The following CFAP20DC variants were observed in gnomAD, a reference collection of about 807,000 sequenced individuals.
The protein encoded by CFAP20DC is CFAP20 domain containing.
CFAP20DC carries 84 observed loss-of-function variants against 101.7 expected under a neutral mutation model. The observed-to-expected ratio is 0.83, with a 90% confidence interval of 0.69 to 0.99. The LOEUF (loss-of-function observed/expected upper bound fraction) is 0.99. Ranked by LOEUF, CFAP20DC falls within the 50% of genes least tolerant of loss-of-function variation. The pLI, the probability that CFAP20DC is intolerant of heterozygous loss-of-function variation, is 0.00. For synonymous variants in CFAP20DC, 359 were observed against 351.2 expected (o/e 1.02, Z -0.25); for missense variants, 1,007 against 970.3 (o/e 1.04, Z -0.50).
chr3:58,850,851 T>C (rs2078165917), intron 12 of CFAP20DC, among the ~76,000 whole-genome samples: 1 of 152,024 alleles, frequency 6.6e-6, no homozygotes, highest in South Asian at 2.1e-4. Context: ...AAACAAATAT[T>C]TGGGTGACTG....
chr3:58,949,199 A>T (rs963143008), intron 4 of CFAP20DC, among the ~76,000 whole-genome samples: 2 of 151,916 alleles, frequency 1.3e-5, no homozygotes, highest in South Asian at 4.2e-4. Flanking sequence ...GTCTTGCTAG[A>T]GGTCTATCAA....
intron 4 of CFAP20DC, among the ~76,000 whole-genome samples, chr3:59,038,091 A>G (rs2094135259): frequency 6.6e-6 from 1 of 152,124 alleles, no homozygotes; most frequent in Non-Finnish European, 1.5e-5. Flanking sequence ...AAACATGGAC[A>G]CAGGGAGGGG....
intron 15 of CFAP20DC, among the ~76,000 whole-genome samples, chr3:58,754,467 T>A (rs979237904): frequency 6.6e-6 from 1 of 152,140 alleles, no homozygotes; most frequent in Non-Finnish European, 1.5e-5. Flanking sequence ...GGGGTAGAAT[T>A]CAAGCTGGTG....
rs1453963244 is a variant in CFAP20DC at position 58,845,010 on chromosome 3, GCAGTGTGT to G, written c.1971+4014_1971+4021del. ...CCAGAATCTCTGGGACGCATTCAAA[GCAGTGTGT>G]AGAGGGAAATTTATAGCACTAAATG... On this transcript the variant is annotated intron_variant, in intron 13 of 16. Transcript: ENST00000482387. 5.5e-4 allele frequency among the ~76,000 whole-genome samples: 71 copies of G among 127,988 alleles called. No homozygotes were observed. In the South Asian group the frequency reaches 7.0e-3, roughly 13 times the overall value. The allele number at this position is 127,988 out of a possible 152,430, so 84.0% of individuals were successfully genotyped here. A position where few individuals can be genotyped will look rare whatever the true frequency, so the allele number is the denominator to read the frequency against.
rs1016614452 is a variant in CFAP20DC at position 58,897,295 on chromosome 3, G to A, written c.551-12586C>T. Among the ~76,000 whole-genome samples the A allele has an allele frequency of 6.6e-6, 1 of 152,000 alleles. No individual in the cohort carries two copies. The highest frequency in any genetic ancestry group is 2.4e-5 in the African/African-American group (1 of 41,420). On this transcript the variant is annotated intron_variant, in intron 6 of 16. Coordinates refer to ENST00000482387, the MANE Select transcript of CFAP20DC (RefSeq NM_001394063.1). This position sits in a 1 kb window ranked among gnomAD's most constrained non-coding sequence, Gnocchi z 4.4. ...GTGTGTCTTTGCACATGAGATGGCA[G>A]CATACCATGAATCTTGGCTCATTAT... is the stretch of plus-strand genomic sequence containing the variant.
intron 4 of CFAP20DC, among the ~76,000 whole-genome samples, chr3:58,966,254 T>C (rs534103312): frequency 6.6e-6 from 1 of 152,136 alleles, no homozygotes; most frequent in Non-Finnish European, 1.5e-5. Flanking sequence ...GGAATGGCCC[T>C]TGTTTTCTAA....
chr3:58,754,801 G>C (rs372542526), intron 15 of CFAP20DC, among the ~76,000 whole-genome samples: 1 of 152,154 alleles, frequency 6.6e-6, no homozygotes, highest in Non-Finnish European at 1.5e-5. Context: ...CCTACAGTAA[G>C]AACTTGGCCA....
intron 5 of CFAP20DC, among the ~76,000 whole-genome samples, chr3:58,932,547 G>A (rs2086862973): frequency 6.6e-6 from 1 of 152,146 alleles, no homozygotes; most frequent in Non-Finnish European, 1.5e-5. Flanking sequence ...CCTACAAAGG[G>A]AAGCCCATCA....
chr3:58,999,427 C>T lies in CFAP20DC; in HGVS notation c.278+40130G>A, dbSNP rs567252986. ...GGCCCACTGAGTAACAGGAGACCTT[C>T]ACTGACTATCTGAATGTAACAAGAG... On this transcript the variant is annotated intron_variant, in intron 4 of 16. Transcript: ENST00000482387. 6.6e-5 allele frequency among the ~76,000 whole-genome samples: 10 copies of T among 152,286 alleles called. 1 individual carries two copies. In the South Asian group the frequency reaches 2.1e-3, roughly 32 times the overall value.
At chr3:59,005,681 A>G (rs1015140156) in intron 4 of CFAP20DC, among the ~76,000 whole-genome samples, 4 of 152,220 alleles carry the variant, frequency 2.6e-5, no homozygotes, top group Non-Finnish European at 4.4e-5. Context: ...TAACTGTTAC[A>G]TAACTATCAT....
At chr3:58,948,740 C>T (rs1359767565) in intron 4 of CFAP20DC, among the ~76,000 whole-genome samples, 1 of 152,186 alleles carries the variant, frequency 6.6e-6, no homozygotes, top group East Asian at 1.9e-4. Flanking sequence ...GGATATTGGT[C>T]TAAAATTCTC....
At chr3:58,855,683 T>C (rs2078718554) in intron 12 of CFAP20DC, among the ~76,000 whole-genome samples, 1 of 151,850 alleles carries the variant, frequency 6.6e-6, no homozygotes, top group African/African-American at 2.4e-5. Context: ...ATGTCCTTTG[T>C]AGGGACATGG....
chr3:58,833,766 C>T (rs897732263), intron 13 of CFAP20DC, among the ~76,000 whole-genome samples: 1 of 152,138 alleles, frequency 6.6e-6, no homozygotes. Context: ...AAAACTTGCA[C>T]ACAAATGTTC....
Position 58,866,703 on chromosome 3 carries a change from A to G in CFAP20DC, c.1136-15T>C. On this transcript the variant is annotated splice_polypyrimidine_tract_variant and intron_variant, in intron 10 of 16. Coordinates refer to ENST00000482387, the MANE Select transcript of CFAP20DC (RefSeq NM_001394063.1). ...TGAAGAGCTACCTTTATTGAGATAAATATTTTCCCTCTATTACTTCTTTTG... is the reference window on the plus strand; with the variant it reads ...TGAAGAGCTACCTTTATTGAGATAAGTATTTTCCCTCTATTACTTCTTTTG... 5 of 1,487,702 alleles carry G rather than the reference A, an allele frequency of 3.4e-6. No homozygotes were observed. Among genetic ancestry groups the G allele is most frequent in the Non-Finnish European group, 4.7e-6 (5 of 1,074,902 alleles). 92.2% of individuals were successfully genotyped at this position (1,487,702 alleles called of 1,614,324 possible). A position where few individuals can be genotyped will look rare whatever the true frequency, so the allele number is the denominator to read the frequency against.
chr3:58,806,301 G>A, intron 15 of CFAP20DC, 94 bp downstream of exon 15: 8 of 848,790 alleles, frequency 9.4e-6, no homozygotes, highest in South Asian at 7.5e-5. Context: ...GAAGCTAGAA[G>A]TTTTGGAAAA....
At chr3:58,731,301 A>G (rs1034098422) in intron 3 of CFAP20DC, among the ~76,000 whole-genome samples, 1 of 152,372 alleles carries the variant, frequency 6.6e-6, no homozygotes, top group East Asian at 1.9e-4. Context: ...GAATCCTACA[A>G]CACCACAATT....
chr3:58,992,731 T>C, intron 4 of CFAP20DC: 1 of 178,408 alleles, frequency 5.6e-6, no homozygotes, highest in Non-Finnish European at 1.1e-5. Flanking sequence ...GAATATGTAA[T>C]ATATAAATAA....
At chr3:58,749,753 G>A (rs1289272803) in intron 16 of CFAP20DC, among the ~76,000 whole-genome samples, 5 of 152,056 alleles carry the variant, frequency 3.3e-5, no homozygotes, top group African/African-American at 1.2e-4. Context: ...ATAATTTAAG[G>A]GTCATAACTG....
At chr3:58,845,533 C>A (rs1379332025) in intron 13 of CFAP20DC, among the ~76,000 whole-genome samples, 2 of 151,274 alleles carry the variant, frequency 1.3e-5, no homozygotes, top group Admixed American at 1.3e-4. Context: ...AGCTTACCAA[C>A]CAAAAAGAGT....
Sources: allele counts gnomAD v4.1 joint callset (sites outside exome capture counted in the v4.1 genomes callset), GRCh38; gene constraint gnomAD v4.1.1; non-coding constraint Gnocchi (gnomAD v3.1); transcripts MANE v1.5; gene names NCBI Gene and HGNC (gene_info 2026-07-23, HGNC 2026-07-21).